PTPRQ: variants seen among roughly 807,000 people sequenced by gnomAD.
PTPRQ encodes phosphatidylinositol phosphatase PTPRQ.
A neutral mutation model predicts 246.0 loss-of-function variants in PTPRQ; 199 were observed. The ratio of observed to expected loss-of-function variants is 0.81; its 90% CI spans 0.72 to 0.91. PTPRQ has a LOEUF of 0.91. Among genes scored for constraint, PTPRQ ranks in the 40% least tolerant of loss-of-function variants. PTPRQ has a pLI of 0.00. For synonymous variants in PTPRQ, 869 were observed against 853.2 expected, an observed-to-expected ratio of 1.02 and a Z score of -0.32; for missense variants, 2,624 against 2,528.4, an observed-to-expected ratio of 1.04 and a Z score of -0.81.
chr12:80,493,213 CTTGAT>C (rs1177263090), intron 9 of PTPRQ, 57 bp from the exon 10 acceptor site: 4 of 1,351,734 alleles, frequency 3.0e-6, no homozygotes, highest in African/African-American at 3.0e-5. Context: ...AGAACTAATA[CTTGAT>C]TTAAGTCATG....
Position 80,539,826 on chromosome 12 carries a change from C to A in PTPRQ, c.3036C>A (p.Ser1012=). ...ATGACTTTGACAATATGACTGTATC[C>A]ACAATTATAGATAAACTGACAATAT... ...VTNDFDNMTV[S]TIIDKLTIFS... Residue 1012 remains serine, a synonymous_variant, in exon 20 of 45, where the codon TCC becomes TCA. Transcript: ENST00000644991. 2 of 1,547,822 alleles carry A rather than the reference C, an allele frequency of 1.3e-6. No homozygotes were observed. The highest frequency in any genetic ancestry group is 1.7e-6 in the Non-Finnish European group (2 of 1,145,508).
At chr12:80,614,126 T>C (rs912520427) in intron 29 of PTPRQ, among the ~76,000 whole-genome samples, 1 of 150,630 alleles carries the variant, frequency 6.6e-6, no homozygotes, top group Non-Finnish European at 1.5e-5. Context: ...AGAACAGTGA[T>C]ATATAAAGAG....
chr12:80,513,379 G>C (rs1895181144), intron 17 of PTPRQ, among the ~76,000 whole-genome samples: 1 of 152,106 alleles, frequency 6.6e-6, no homozygotes, highest in Non-Finnish European at 1.5e-5. Flanking sequence ...CTGCTGGCCT[G>C]CGGCGTCTGT....
chr12:80,510,241 A>C (rs886153005), intron 16 of PTPRQ, 82 bp from the exon 17 acceptor site: 31 of 1,290,646 alleles, frequency 2.4e-5, no homozygotes, highest in South Asian at 7.9e-5. Flanking sequence ...AAAGTTTATA[A>C]TAAAAATTGT....
At chr12:80,666,616 C>G (rs1036407593) in intron 39 of PTPRQ, among the ~76,000 whole-genome samples, 18 of 151,944 alleles carry the variant, frequency 1.2e-4, no homozygotes, top group African/African-American at 3.9e-4. Context: ...TGCTCATTAC[C>G]CTGACTTGAG....
chr12:80,590,437 G>A (rs1486353834), intron 26 of PTPRQ, among the ~76,000 whole-genome samples: 1 of 152,028 alleles, frequency 6.6e-6, no homozygotes, highest in Non-Finnish European at 1.5e-5. Flanking sequence ...AGAGGCTGAG[G>A]CGGGTGGATC....
At chr12:80,562,840 C>T (rs1207840565) in intron 25 of PTPRQ, among the ~76,000 whole-genome samples, 1 of 151,706 alleles carries the variant, frequency 6.6e-6, no homozygotes, top group Non-Finnish European at 1.5e-5. Flanking sequence ...AAAGCTTGTT[C>T]TTTGAAAAAA....
Position 80,621,813 on chromosome 12 carries a change from G to A in PTPRQ, c.5613-248G>A, listed in dbSNP as rs562809686. On this transcript the variant is annotated intron_variant, in intron 32 of 44. Transcript: ENST00000644991. Reference sequence around the variant, plus strand: ...GATTCAGTTGTTCAAACTGCTAACTGCTCACGAGTTTACCAAATTTTTAGC... The same window carrying A: ...GATTCAGTTGTTCAAACTGCTAACTACTCACGAGTTTACCAAATTTTTAGC... Among the ~76,000 whole-genome samples the A allele has an allele frequency of 1.7e-3, 264 of 152,018 alleles. 3 individuals are homozygous for A. Among genetic ancestry groups the A allele is most frequent in the African/African-American group, 6.2e-3 (257 of 41,528 alleles).
At chr12:80,498,868 T>A (rs1300735949) in intron 14 of PTPRQ, among the ~76,000 whole-genome samples, 1 of 149,076 alleles carries the variant, frequency 6.7e-6, no homozygotes, top group Admixed American at 6.8e-5. Context: ...TTCTGATTAT[T>A]ACATGCACAT....
chr12:80,542,950 T>G, intron 23 of PTPRQ, 69 bp downstream of exon 23: 1 of 1,119,520 alleles, frequency 8.9e-7, no homozygotes, highest in East Asian at 3.0e-5. Context: ...TTTTGACATA[T>G]AGGAGGAAAA....
chr12:80,464,144 C>T (rs1375132139), intron 6 of PTPRQ, among the ~76,000 whole-genome samples: 3 of 151,100 alleles, frequency 2.0e-5, no homozygotes, highest in Non-Finnish European at 4.4e-5. Flanking sequence ...CAGAGACACA[C>T]ATAGGCTCAA....
rs907999432 is a variant in PTPRQ at position 80,496,443 on chromosome 12, C to A, written c.2184C>A (p.Thr728=). ...TATTAAGGAACTTAAGACCTCACAC[C>A]CTCTATAACATTTCTGTAAGGTCTT... ...DIILRNLRPH[T]LYNISVRSYT... Residue 728 remains threonine, a synonymous_variant, in exon 14 of 45, where the codon ACC becomes ACA. Transcript: ENST00000644991. 3.2e-6 allele frequency: 5 copies of A among 1,550,504 alleles called. No homozygotes were observed. The African/African-American group carries it at 6.9e-5, about 21-fold the overall frequency.
At chr12:80,499,491 G>A (rs1412800731) in intron 14 of PTPRQ, among the ~76,000 whole-genome samples, 1 of 151,826 alleles carries the variant, frequency 6.6e-6, no homozygotes, top group African/African-American at 2.4e-5. Flanking sequence ...GAGCTCAAGA[G>A]CAACTATTTT....
At chr12:80,471,678 C>T (rs1893641933) in intron 7 of PTPRQ, among the ~76,000 whole-genome samples, 1 of 148,604 alleles carries the variant, frequency 6.7e-6, no homozygotes, top group African/African-American at 2.5e-5. Context: ...GGGGTTTCAC[C>T]GTTTTAGCCG....
chr12:80,626,915 C>CT (rs1021875927), intron 33 of PTPRQ, among the ~76,000 whole-genome samples: 1 of 151,974 alleles, frequency 6.6e-6, no homozygotes. Context: ...GATATGGTTT[C>CT]TTTTTATTTT....
chr12:80,516,950 T>C (rs1259284641), intron 17 of PTPRQ, among the ~76,000 whole-genome samples: 3 of 152,096 alleles, frequency 2.0e-5, no homozygotes, highest in East Asian at 1.9e-4. Flanking sequence ...GTTGGGAAGA[T>C]GAAAGAAAGA....
intron 9 of PTPRQ, among the ~76,000 whole-genome samples, chr12:80,490,715 G>A (rs1283086658): frequency 6.6e-6 from 1 of 151,858 alleles, no homozygotes; most frequent in Non-Finnish European, 1.5e-5. Context: ...TGCTGAGGTT[G>A]GGAACCCTGT....
chr12:80,487,230 C>G (rs1894305969), intron 9 of PTPRQ, among the ~76,000 whole-genome samples: 1 of 152,046 alleles, frequency 6.6e-6, no homozygotes, highest in African/African-American at 2.4e-5. Context: ...CCCCATAAAA[C>G]AAAACAGAAA....
intron 25 of PTPRQ, among the ~76,000 whole-genome samples, chr12:80,578,476 C>T (rs940851537): frequency 1.3e-5 from 2 of 151,874 alleles, no homozygotes; most frequent in Admixed American, 6.6e-5. Context: ...CTGCAAGCTC[C>T]GCCTCCCGGG....
Sources: allele counts gnomAD v4.1 joint callset (sites outside exome capture counted in the v4.1 genomes callset), GRCh38; gene constraint gnomAD v4.1.1; transcripts MANE v1.5; gene names NCBI Gene and HGNC (gene_info 2026-07-23, HGNC 2026-07-21).